PPP2R2B: variants seen among roughly 807,000 people sequenced by gnomAD.
PPP2R2B encodes serine/threonine-protein phosphatase 2A 55 kDa regulatory subunit B beta isoform.
A neutral mutation model predicts 46.0 loss-of-function variants in PPP2R2B; 5 were observed. The observed-to-expected ratio is 0.11, with a 90% CI of 0.06 to 0.23. PPP2R2B has a LOEUF of 0.23. PPP2R2B is among the 10% of genes least tolerant of loss of function. PPP2R2B has a pLI of 1.00. For missense variants in PPP2R2B, 367 were observed against 575.0 expected (o/e 0.64, Z 3.70); for synonymous variants, 215 against 206.7 (o/e 1.04, Z -0.34).
At chr5:146,808,582 T>A (rs180717473) in intron 2 of PPP2R2B, among the ~76,000 whole-genome samples, 75 of 152,262 alleles carry the variant, frequency 4.9e-4, no homozygotes, top group Non-Finnish European at 7.6e-4. Context: ...TCCTAAAACT[T>A]GACCCTGACT....
At chr5:146,628,895 TTC>T (rs1479169233) in intron 7 of PPP2R2B, among the ~76,000 whole-genome samples, 2 of 152,190 alleles carry the variant, frequency 1.3e-5, no homozygotes, top group African/African-American at 4.8e-5. Context: ...AATCACTGTC[TTC>T]TCTCAGCTTA....
chr5:146,828,569 G>A (rs1053004728), intron 2 of PPP2R2B, among the ~76,000 whole-genome samples: 1 of 152,144 alleles, frequency 6.6e-6, no homozygotes, highest in Non-Finnish European at 1.5e-5. Flanking sequence ...ATAGCTGCTG[G>A]TACACACTTA....
At chr5:147,074,885 A>G (rs1411300365) in intron 2 of PPP2R2B, among the ~76,000 whole-genome samples, 1 of 152,154 alleles carries the variant, frequency 6.6e-6, no homozygotes, top group African/African-American at 2.4e-5. Context: ...AGAGGGAGGG[A>G]AGGAAAAAAT....
chr5:147,010,301 G>A (rs1235982185), intron 1 of PPP2R2B, among the ~76,000 whole-genome samples: 1 of 151,724 alleles, frequency 6.6e-6, no homozygotes, highest in Non-Finnish European at 1.5e-5. Flanking sequence ...CACAGACTGG[G>A]GCAGGGTGGA....
chr5:146,668,726 C>T (rs1347289995), intron 5 of PPP2R2B, among the ~76,000 whole-genome samples: 1 of 152,172 alleles, frequency 6.6e-6, no homozygotes, highest in African/African-American at 2.4e-5. Context: ...CCACATGTCC[C>T]AGCACTATGC....
chr5:146,707,473 G>A, intron 2 of PPP2R2B: 1 of 751,052 alleles, frequency 1.3e-6, no homozygotes. Context: ...GGAAGCTGCT[G>A]CTGCCCACTC....
chr5:146,764,266 C>A lies in PPP2R2B; in HGVS notation c.71-63124G>T, dbSNP rs372576953. 1.2e-4 allele frequency among the ~76,000 whole-genome samples: 19 copies of A among 152,114 alleles called. No homozygotes were observed. In the East Asian group the frequency reaches 1.7e-3, roughly 14 times the overall value. ...CCAGATGACAAAAGCCTTGTGGGCC[C>A]ACTTTTGAAGGAATTTACCCTGAGA... On this transcript the variant is annotated intron_variant, in intron 2 of 9. Coordinates refer to ENST00000394411, the MANE Select transcript of PPP2R2B (RefSeq NM_181675.4).
intron 1 of PPP2R2B, among the ~76,000 whole-genome samples, chr5:146,955,379 G>T (rs1239276159): frequency 6.6e-6 from 1 of 152,148 alleles, no homozygotes; most frequent in Non-Finnish European, 1.5e-5. Flanking sequence ...TCCAGGTAAT[G>T]CCAATGCCTA....
In PPP2R2B at chr5:146,657,526, T is replaced by C. The variant is rs376045938; in HGVS notation, c.448-6802A>G. ...CGTACAAGCATAATCAATTATGTTA[T>C]GGAAGGAGCATCCACATTCTCCTTC... is the stretch of plus-strand genomic sequence containing the variant. On this transcript the variant is annotated intron_variant, in intron 5 of 9. Coordinates refer to ENST00000394411, the MANE Select transcript of PPP2R2B (RefSeq NM_181675.4). Among the ~76,000 whole-genome samples the C allele has an allele frequency of 5.8e-4, 88 of 152,298 alleles. 1 individual carries two copies. In the South Asian group the frequency reaches 0.017, roughly 30 times the overall value.
chr5:147,078,945 C>G (rs1466751166), intron 2 of PPP2R2B, among the ~76,000 whole-genome samples: 1 of 152,042 alleles, frequency 6.6e-6, no homozygotes, highest in African/African-American at 2.4e-5. Context: ...ACAAGGCATT[C>G]ACTTGAGCTT....
At chr5:146,891,729 A>T (rs915365452) in intron 1 of PPP2R2B, among the ~76,000 whole-genome samples, 1 of 152,224 alleles carries the variant, frequency 6.6e-6, no homozygotes, top group South Asian at 2.1e-4. Context: ...ACTAACCACA[A>T]TGTAAAAATG....
At chr5:146,872,311 G>A (rs1761661397) in intron 2 of PPP2R2B, among the ~76,000 whole-genome samples, 1 of 152,178 alleles carries the variant, frequency 6.6e-6, no homozygotes, top group Non-Finnish European at 1.5e-5. Flanking sequence ...AATAGTGTAA[G>A]GCAGCTACTT....
chr5:146,844,572 G>A (rs1047670936), intron 2 of PPP2R2B, among the ~76,000 whole-genome samples: 1 of 152,206 alleles, frequency 6.6e-6, no homozygotes, highest in African/African-American at 2.4e-5. Context: ...CACAGATAGG[G>A]CAGAAGACCT....
intron 2 of PPP2R2B, among the ~76,000 whole-genome samples, chr5:146,849,735 C>A (rs1188403237): frequency 6.6e-6 from 1 of 152,100 alleles, no homozygotes. Context: ...TTCAGGCTTC[C>A]TTGAAAAGGA....
intron 2 of PPP2R2B, among the ~76,000 whole-genome samples, chr5:146,767,717 G>C (rs567759306): frequency 6.6e-6 from 1 of 152,142 alleles, no homozygotes; most frequent in South Asian, 2.1e-4. Flanking sequence ...TGTTGCAATC[G>C]ATGAACCTCT....
At chr5:147,080,815 T>C (rs566374156) in intron 2 of PPP2R2B, among the ~76,000 whole-genome samples, 2 of 152,274 alleles carry the variant, frequency 1.3e-5, no homozygotes, top group East Asian at 3.9e-4. Flanking sequence ...GTTTAGCCTC[T>C]GTCTCTGCAA....
intron 5 of PPP2R2B, among the ~76,000 whole-genome samples, chr5:146,680,847 G>T (rs1300040717): frequency 6.6e-6 from 1 of 152,128 alleles, no homozygotes; most frequent in Non-Finnish European, 1.5e-5. Context: ...TCCTTTCCTT[G>T]TTGCTAAACC....
chr5:146,770,355 A>AAAAAAT (rs1368760298), intron 2 of PPP2R2B, among the ~76,000 whole-genome samples: 6 of 132,598 alleles, frequency 4.5e-5, no homozygotes, highest in African/African-American at 1.6e-4. Context: ...AAAAAAAAAA[A>AAAAAAT]GAATGAAGAA....
chr5:147,054,731 A>G (rs1756992140), intron 1 of PPP2R2B: 1 of 455,944 alleles, frequency 2.2e-6, no homozygotes, highest in South Asian at 1.5e-5. Context: ...GAGTGTGGCT[A>G]GACATGAGTT....
Sources: gnomAD v4.1 joint callset for allele counts (sites outside exome capture counted in the v4.1 genomes callset) on GRCh38, gnomAD v4.1.1 for gene constraint, MANE v1.5 for transcripts, NCBI Gene and HGNC (gene_info 2026-07-23, HGNC 2026-07-21) for gene names.